DCBLD1: variants seen among roughly 807,000 people sequenced by gnomAD.
The protein encoded by DCBLD1 is discoidin, CUB and LCCL domain-containing protein 1.
In DCBLD1, 57 loss-of-function variants were observed where a neutral mutation model predicts 71.5. That is an observed-to-expected ratio of 0.80 (90% CI 0.64 to 0.99). The LOEUF is 0.99. Among genes scored for constraint, DCBLD1 ranks in the 50% least tolerant of loss-of-function variants. DCBLD1 has a pLI of 0.00. For synonymous variants in DCBLD1, 380 were observed against 363.8 expected (o/e 1.04, Z -0.51); for missense variants, 891 against 923.5 (o/e 0.96, Z 0.46).
At chr6:117,520,481 AT>A (rs947163871) in intron 3 of DCBLD1, among the ~76,000 whole-genome samples, 3 of 151,888 alleles carry the variant, frequency 2.0e-5, no homozygotes, top group African/African-American at 7.3e-5. Flanking sequence ...GCCCTCCCCC[AT>A]CCTCCTCCCT....
At chr6:117,505,535 C>T (rs957426503) in intron 2 of DCBLD1, among the ~76,000 whole-genome samples, 3 of 152,160 alleles carry the variant, frequency 2.0e-5, no homozygotes, top group African/African-American at 7.2e-5. Context: ...TTGCATAAGA[C>T]TCTGTCACGT....
chr6:117,521,678 C>T, intron 4 of DCBLD1, 102 bp downstream of exon 4: 1 of 1,025,310 alleles, frequency 9.8e-7, no homozygotes, highest in Non-Finnish European at 1.4e-6. Flanking sequence ...CTCTTTTTAC[C>T]ATTCATGTTG....
At chr6:117,547,517 G>A in intron 14 of DCBLD1, 1 of 496,104 alleles carries the variant, frequency 2.0e-6, no homozygotes, top group Non-Finnish European at 4.1e-6. Flanking sequence ...ACTACTCTGT[G>A]TCCCTCATAC....
intron 4 of DCBLD1, among the ~76,000 whole-genome samples, 166 bp from the exon 5 acceptor site, chr6:117,525,196 T>C (rs965212350): frequency 8.5e-5 from 13 of 152,156 alleles, no homozygotes; most frequent in Non-Finnish European, 1.6e-4. Context: ...TGCCTTCAGA[T>C]GAACATTATA....
At chr6:117,533,785 G>C (rs1394607769) in intron 6 of DCBLD1, among the ~76,000 whole-genome samples, 1 of 152,198 alleles carries the variant, frequency 6.6e-6, no homozygotes, top group African/African-American at 2.4e-5. Flanking sequence ...ATGTTAGAGA[G>C]GGGTGGTGGT....
intron 2 of DCBLD1, 88 bp downstream of exon 2, chr6:117,504,067 C>A: frequency 7.3e-7 from 1 of 1,376,862 alleles, no homozygotes; most frequent in Non-Finnish European, 1.0e-6. Flanking sequence ...AACGCTATAT[C>A]ATGAGAAGAT....
chr6:117,487,615 C>T (rs1777134553), intron 1 of DCBLD1, among the ~76,000 whole-genome samples: 1 of 152,032 alleles, frequency 6.6e-6, no homozygotes, highest in Non-Finnish European at 1.5e-5. Context: ...CAGAGCAAGA[C>T]CCAGTCTCAA....
chr6:117,567,076 T>A (rs763537239), intron 14 of DCBLD1: 5 of 1,445,166 alleles, frequency 3.5e-6, no homozygotes, highest in Non-Finnish European at 4.6e-6. Flanking sequence ...GTTATTGTAA[T>A]TGTAATTTAA....
intron 1 of DCBLD1, among the ~76,000 whole-genome samples, chr6:117,499,397 A>T (rs1777576845): frequency 6.6e-6 from 1 of 151,570 alleles, no homozygotes; most frequent in African/African-American, 2.4e-5. Flanking sequence ...ATGGAATGAG[A>T]CCGTCTCAAA....
At chr6:117,509,591 T>TA (rs1487938603) in intron 2 of DCBLD1, among the ~76,000 whole-genome samples, 3 of 152,200 alleles carry the variant, frequency 2.0e-5, no homozygotes, top group Non-Finnish European at 2.9e-5. Flanking sequence ...TCTGCCCCTC[T>TA]ACTTTACTCT....
At chr6:117,516,716 G>A (rs1161065627) in intron 2 of DCBLD1, among the ~76,000 whole-genome samples, 6 of 152,282 alleles carry the variant, frequency 3.9e-5, no homozygotes, top group African/African-American at 7.2e-5. Context: ...ACAGTTCCAC[G>A]TAGCTGGGGA....
chr6:117,482,920 C>T, intron 1 of DCBLD1, 27 bp downstream of exon 1: 1 of 1,174,772 alleles, frequency 8.5e-7, no homozygotes, highest in East Asian at 4.3e-5. Flanking sequence ...CGGCTGGCGG[C>T]GGGACCCGAG....
At chr6:117,487,900 G>T (rs758173886) in intron 1 of DCBLD1, among the ~76,000 whole-genome samples, 3 of 151,866 alleles carry the variant, frequency 2.0e-5, no homozygotes, top group African/African-American at 7.2e-5. Flanking sequence ...TGCTTTGTAT[G>T]TTAAAAAAAA....
At chr6:117,546,945 C>A (rs1002070629) in intron 14 of DCBLD1, among the ~76,000 whole-genome samples, 7 of 152,216 alleles carry the variant, frequency 4.6e-5, no homozygotes, top group Non-Finnish European at 8.8e-5. Context: ...GGCTTCTCGA[C>A]TGCACATCCC....
At chr6:117,517,135 CA>C (rs1278931518) in intron 2 of DCBLD1, among the ~76,000 whole-genome samples, 3 of 152,226 alleles carry the variant, frequency 2.0e-5, no homozygotes, top group Non-Finnish European at 4.4e-5. Context: ...CCTGTAAAAT[CA>C]AAAGCAAGTT....
At chr6:117,517,196 A>T (rs1332871786) in intron 2 of DCBLD1, among the ~76,000 whole-genome samples, 1 of 152,246 alleles carries the variant, frequency 6.6e-6, no homozygotes, top group Non-Finnish European at 1.5e-5. Flanking sequence ...AAATACAGCC[A>T]TTCCAAATGG....
At chr6:117,557,149 T>C (rs1408083574) in intron 14 of DCBLD1, among the ~76,000 whole-genome samples, 2 of 152,198 alleles carry the variant, frequency 1.3e-5, no homozygotes, top group African/African-American at 4.8e-5. Context: ...TTTCCTAATT[T>C]GCCTGAAAGT....
rs1779383787 is a variant in DCBLD1, at chr6:117,549,387, T to C, written c.*948T>C. On this transcript the variant is annotated 3_prime_UTR_variant, in exon 15 of 15. Coordinates refer to ENST00000338728, the MANE Select transcript of DCBLD1 (RefSeq NM_001366458.2). ...TCTAAATCGAGCTTTTCTACTGACA[T>C]GAAACTGTTGGAAACTGATCTCATT... The C allele has an allele frequency of 2.0e-6, 2 of 985,344 alleles. No individual in the cohort carries two copies. Among genetic ancestry groups the C allele is most frequent in the South Asian group, 4.7e-5 (1 of 21,290 alleles). 61.0% of individuals were successfully genotyped at this position (985,344 alleles called of 1,614,324 possible).
intron 1 of DCBLD1, among the ~76,000 whole-genome samples, chr6:117,503,261 A>G (rs1368941873): frequency 6.6e-6 from 1 of 152,222 alleles, no homozygotes; most frequent in Non-Finnish European, 1.5e-5. Context: ...AATGATTATT[A>G]GGCTCAGTCC....
Sources: gnomAD v4.1 joint callset for allele counts (sites outside exome capture counted in the v4.1 genomes callset) on GRCh38, gnomAD v4.1.1 for gene constraint, MANE v1.5 for transcripts, NCBI Gene and HGNC (gene_info 2026-07-23, HGNC 2026-07-21) for gene names.